Variants in EHMT1 observed in about 807,000 individuals in gnomAD.
The protein encoded by EHMT1 is histone-lysine N-methyltransferase EHMT1.
A neutral mutation model predicts 147.2 loss-of-function variants in EHMT1; 15 were observed. The observed-to-expected ratio is 0.10, with a 90% CI of 0.07 to 0.16. The LOEUF (loss-of-function observed/expected upper bound fraction) is 0.16. Ranked by LOEUF, EHMT1 falls within the 10% of genes least tolerant of loss-of-function variation. EHMT1 has a pLI of 1.00. For missense variants in EHMT1, 1,587 were observed against 1,772.4 expected (o/e 0.90, Z 1.88); for synonymous variants, 795 against 709.6 (o/e 1.12, Z -1.91).
intron 23 of EHMT1, chr9:137,816,870 G>A (rs865953633): frequency 3.3e-5 from 6 of 182,512 alleles, no homozygotes; most frequent in African/African-American, 9.5e-5. Context: ...GGGCAGACGC[G>A]AGGCACGTGG....
chr9:137,759,728 GA>G (rs1168096173), intron 9 of EHMT1, among the ~76,000 whole-genome samples: 1 of 152,256 alleles, frequency 6.6e-6, no homozygotes. Context: ...TCAGTGTGTA[GA>G]AGAGACAGGC....
chr9:137,635,924 A>G (rs1385026120), intron 1 of EHMT1, among the ~76,000 whole-genome samples: 2 of 151,902 alleles, frequency 1.3e-5, no homozygotes, highest in East Asian at 3.9e-4. Flanking sequence ...AATTAAAAAA[A>G]ATTTTTTTTT....
chr9:137,746,737 C>G (rs1948570890), intron 6 of EHMT1: 2 of 152,178 alleles, frequency 1.3e-5, no homozygotes, highest in Admixed American at 1.3e-4. Context: ...TAGGTTTCAG[C>G]TCCACTTACT....
chr9:137,648,113 G>A (rs897940283), intron 1 of EHMT1, among the ~76,000 whole-genome samples: 8 of 152,036 alleles, frequency 5.3e-5, no homozygotes, highest in African/African-American at 1.9e-4. Flanking sequence ...CTTATTAAAT[G>A]TGTTAAAATC....
At chr9:137,711,163 A>T in intron 2 of EHMT1, 133 bp downstream of exon 2, 1 of 862,204 alleles carries the variant, frequency 1.2e-6, no homozygotes, top group Non-Finnish European at 1.7e-6. Flanking sequence ...ATAGTTTCTA[A>T]TCTATCCCAT....
chr9:137,722,753 C>T (rs541701463), intron 3 of EHMT1, among the ~76,000 whole-genome samples: 2 of 151,668 alleles, frequency 1.3e-5, no homozygotes, highest in East Asian at 3.9e-4. Context: ...GGTAGGGTGC[C>T]TGCCCTGCAC....
In EHMT1 at chr9:137,813,864, G is replaced by A. The variant is rs1216637926; in HGVS notation, c.3180+334G>A. Among the ~76,000 whole-genome samples, 1 of 152,148 alleles carries A rather than the reference G, an allele frequency of 6.6e-6. No individual in the cohort carries two copies. The highest frequency in any genetic ancestry group is 1.5e-5 in the Non-Finnish European group (1 of 68,004). Reference sequence around the variant, plus strand: ...GGGGGCACAGGCGAGAGGAGCCCTTGCGAGGCCTGCAGGACGACCTGGATC... The same window carrying A: ...GGGGGCACAGGCGAGAGGAGCCCTTACGAGGCCTGCAGGACGACCTGGATC... On this transcript the variant is annotated intron_variant, in intron 21 of 26. Transcript: ENST00000460843. This position sits in a 1 kb window ranked among gnomAD's most constrained non-coding sequence, Gnocchi z 4.9.
intron 25 of EHMT1, among the ~76,000 whole-genome samples, chr9:137,831,114 C>T (rs1956157164): frequency 6.6e-6 from 1 of 152,148 alleles, no homozygotes; most frequent in Non-Finnish European, 1.5e-5. Context: ...GGCACAATTC[C>T]CTCCACTCCC....
chr9:137,689,031 C>T (rs1226013989), intron 1 of EHMT1, among the ~76,000 whole-genome samples: 7 of 151,658 alleles, frequency 4.6e-5, no homozygotes, highest in South Asian at 4.2e-4. Context: ...TGACAGTGAC[C>T]GCTTGTTCTG....
At chr9:137,686,420 C>T (rs1036368429) in intron 1 of EHMT1, among the ~76,000 whole-genome samples, 11 of 151,928 alleles carry the variant, frequency 7.2e-5, no homozygotes, top group East Asian at 1.9e-4. Flanking sequence ...GGCAGGGTCT[C>T]GCTCAGTCAC....
chr9:137,623,895 C>T (rs903718092), intron 1 of EHMT1, among the ~76,000 whole-genome samples: 1 of 152,068 alleles, frequency 6.6e-6, no homozygotes, highest in Admixed American at 6.6e-5. Context: ...TAGTTCTCTG[C>T]AGCCTTGACC....
chr9:137,784,148 T>A (rs1588691999), intron 15 of EHMT1: 1 of 1,549,802 alleles, frequency 6.5e-7, no homozygotes, highest in African/African-American at 1.4e-5. Flanking sequence ...CTGCCTTTGG[T>A]GACTTATGGT....
At chr9:137,798,607 T>TGTGG (rs1953162342) in intron 16 of EHMT1, among the ~76,000 whole-genome samples, 1 of 152,186 alleles carries the variant, frequency 6.6e-6, no homozygotes, top group Non-Finnish European at 1.5e-5. Context: ...GCCAGGCGAC[T>TGTGG]GACCACTCAT....
In EHMT1 at chr9:137,717,102, G is replaced by T; in HGVS notation, c.562G>T (p.Asp188Tyr). The part of the protein sequence containing the change: ...TLGEGSADTE[D>Y]RKLPAPGADV... ...TGGGGAGGGGAGTGCTGACACAGAGGACAGGAAGCTCCCGGCCCCTGGCGC... is the reference window on the plus strand; with the variant it reads ...TGGGGAGGGGAGTGCTGACACAGAGTACAGGAAGCTCCCGGCCCCTGGCGC... Residue 188 changes from aspartate to tyrosine, a missense_variant, in exon 3 of 27, where the codon GAC (aspartate) becomes TAC (tyrosine). By Grantham distance (160) the Asp-to-Tyr change is radical. Transcript: ENST00000460843. The T allele has an allele frequency of 6.2e-7, 1 of 1,612,524 alleles. No individual in the cohort carries two copies. Among genetic ancestry groups the T allele is most frequent in the Non-Finnish European group, 8.5e-7 (1 of 1,179,872 alleles).
At chr9:137,655,003 CT>C (rs959355467) in intron 1 of EHMT1, among the ~76,000 whole-genome samples, 24 of 146,188 alleles carry the variant, frequency 1.6e-4, no homozygotes, top group South Asian at 4.3e-4. Context: ...CCTTTCTTTT[CT>C]TTTTTTTTTT....
At chr9:137,798,186 G>T (rs1953122478) in intron 16 of EHMT1, among the ~76,000 whole-genome samples, 1 of 152,128 alleles carries the variant, frequency 6.6e-6, no homozygotes, top group African/African-American at 2.4e-5. Flanking sequence ...GATTGCTTGG[G>T]GTCAGGAGTT....
rs146870750 is a variant in EHMT1 at position 137,656,373 on chromosome 9, C to G, written c.21+37324C>G. Among the ~76,000 whole-genome samples, 1,059 of 152,222 alleles carry G rather than the reference C, an allele frequency of 7.0e-3. 18 individuals carry two copies. Among genetic ancestry groups the G allele is most frequent in the African/African-American group, 0.024 (1,016 of 41,550 alleles). Reference sequence around the variant, plus strand: ...CCAGCCTGGGTGACAGAGCGAGACTCCATCTCAAAAACAAAAACAAAAAAC... The same window carrying G: ...CCAGCCTGGGTGACAGAGCGAGACTGCATCTCAAAAACAAAAACAAAAAAC... On this transcript the variant is annotated intron_variant, in intron 1 of 26. Transcript: ENST00000460843.
rs1021704749 is a variant in EHMT1 at position 137,758,259 on chromosome 9, C to T, written c.1501+248C>T. On this transcript the variant is annotated intron_variant, in intron 9 of 26. Transcript: ENST00000460843. ...GAAGCCCAAGCATGGCCCAGCGTGG[C>T]GGTCATCTCCCTCCGTGGGTCAGGC... Among the ~76,000 whole-genome samples the T allele has an allele frequency of 7.9e-5, 12 of 152,342 alleles. No homozygotes were observed. The South Asian group carries it at 1.2e-3, about 16-fold the overall frequency.
In EHMT1 at chr9:137,724,329, C is replaced by T. The variant is rs116812581; in HGVS notation, c.643-4020C>T. Among the ~76,000 whole-genome samples the T allele has an allele frequency of 3.2e-3, 481 of 152,250 alleles. 3 individuals are homozygous for T. The highest frequency in any genetic ancestry group is 0.011 in the African/African-American group (450 of 41,556). ...TCAGCGAAGGGGCCTCCCGCCCCCACAGGAGGGAAGAGCCTCGGGGAAGGG... is the reference window on the plus strand; with the variant it reads ...TCAGCGAAGGGGCCTCCCGCCCCCATAGGAGGGAAGAGCCTCGGGGAAGGG... On this transcript the variant is annotated intron_variant, in intron 3 of 26. Transcript: ENST00000460843.
Sources: gnomAD v4.1 joint callset for allele counts (sites outside exome capture counted in the v4.1 genomes callset) on GRCh38, gnomAD v4.1.1 for gene constraint, Gnocchi (gnomAD v3.1) non-coding constraint, MANE v1.5 for transcripts, NCBI Gene and HGNC (gene_info 2026-07-23, HGNC 2026-07-21) for gene names.